Variants in HTR2B observed in about 807,000 individuals in gnomAD.
HTR2B encodes 5-HT 2B receptor.
Under a neutral mutation model 39.8 loss-of-function variants are expected in HTR2B, and 31 were observed. The ratio of observed to expected loss-of-function variants is 0.78; its 90% CI spans 0.58 to 1.05. The LOEUF is 1.05. Among genes scored for constraint, HTR2B ranks in the 50% least tolerant of loss-of-function variants. HTR2B has a pLI of 0.00. For missense variants in HTR2B, 562 were observed against 578.0 expected, an observed-to-expected ratio of 0.97 and a Z score of 0.28; for synonymous variants, 210 against 207.1, an observed-to-expected ratio of 1.01 and a Z score of -0.12.
chr2:231,113,493 T>A (rs939503026), intron 3 of HTR2B, among the ~76,000 whole-genome samples: 10 of 152,228 alleles, frequency 6.6e-5, no homozygotes, highest in African/African-American at 2.4e-4. Flanking sequence ...CAATAAACAC[T>A]GTGCAGATGG....
rs1695033672 is a variant in HTR2B at position 231,108,564 on chromosome 2, T to G, written c.1399A>C (p.Thr467Pro). ...SIILLDTLLL[T>P]ENEGDKTEEQ... ...TCAGTTTTGTCACCTTCATTTTCAGTGAGGAGAAGCGTATCTAGTAGAATG... is the reference window on the plus strand; with the variant it reads ...TCAGTTTTGTCACCTTCATTTTCAGGGAGGAGAAGCGTATCTAGTAGAATG... The change falls in exon 4 of 4, where the codon ACT becomes CCT. Residue 467 changes from threonine to proline, a missense_variant. By Grantham distance (38) the Thr-to-Pro change is conservative. Transcript: ENST00000258400. The G allele has an allele frequency of 6.2e-7, 1 of 1,614,006 alleles. No homozygotes were observed. The highest frequency in any genetic ancestry group is 8.5e-7 in the Non-Finnish European group (1 of 1,179,968).
rs1425479673 is a variant in HTR2B at position 231,123,882 on chromosome 2, T to C, written c.-118A>G. 1.1e-5 allele frequency: 9 copies of C among 805,698 alleles called. No homozygotes were observed. The highest frequency in any genetic ancestry group is 1.9e-5 in the Admixed American group (1 of 53,346). 49.9% of individuals were successfully genotyped at this position (805,698 alleles called of 1,614,324 possible). On this transcript the variant is annotated 5_prime_UTR_variant, in exon 2 of 4. Coordinates refer to ENST00000258400, the MANE Select transcript of HTR2B (RefSeq NM_000867.5). Reference sequence around the variant, plus strand: ...CATGCCAAACACTCAAAAGCCAAAGTTGACACCTTCCTTTAAAAAAAAAAA... The same window carrying C: ...CATGCCAAACACTCAAAAGCCAAAGCTGACACCTTCCTTTAAAAAAAAAAA...
chr2:231,109,175 G>T lies in HTR2B; in HGVS notation c.788C>A (p.Thr263Asn), dbSNP rs745365491. 1 of 1,614,208 alleles carries T rather than the reference G, an allele frequency of 6.2e-7. No individual in the cohort carries two copies. The highest frequency in any genetic ancestry group is 1.1e-5 in the South Asian group (1 of 91,086). Reference sequence around the variant, plus strand: ...ATCCCTTTGGAAAACTGTAGACACAGTCAACCATGTTAGGCGTTGAGGTGG... The same window carrying T: ...ATCCCTTTGGAAAACTGTAGACACATTCAACCATGTTAGGCGTTGAGGTGG... ...NKPPQRLTWL[T>N]VSTVFQRDET... is the part of the protein sequence containing the mutation. Residue 263 changes from threonine (T) to asparagine (N), a missense_variant, in exon 4 of 4, where the codon ACT (threonine) becomes AAT (asparagine). Coordinates refer to ENST00000258400, the MANE Select transcript of HTR2B (RefSeq NM_000867.5).
intron 2 of HTR2B, among the ~76,000 whole-genome samples, chr2:231,115,190 CAA>C (rs779451668): frequency 9.6e-5 from 12 of 124,512 alleles, no homozygotes; most frequent in Admixed American, 1.6e-4. Context: ...AATCTCAGAC[CAA>C]AAAAAAAAAA....
rs760677931 is a variant in HTR2B, at chr2:231,108,594, A to C, written c.1369T>G (p.Ser457Ala). ...AGAAGCGTATCTAGTAGAATGATTG[A>C]TGAAGACTGAATGGTTGAACTTCGG... ...RLRSSTIQSS[S>A]IILLDTLLLT... The change falls in exon 4 of 4, where the codon TCA becomes GCA. Residue 457 changes from serine to alanine, a missense_variant. Transcript: ENST00000258400. 6.2e-7 allele frequency: 1 copy of C among 1,614,004 alleles called. No individual in the cohort carries two copies. The highest frequency in any genetic ancestry group is 8.5e-7 in the Non-Finnish European group (1 of 1,179,922).
At position 231,123,701 on chromosome 2, in the gene HTR2B, T is replaced by C. The variant is rs750455684; in HGVS notation, c.64A>G (p.Thr22Ala). ...TTAGAAGAGATAACGTGAACAAAGG[T>C]GCTCTGCAAAATGTGCTCAGGAATT... Reference protein sequence around the residue: ...STIPEHILQSTFVHVISSNWS... With the variant: ...STIPEHILQSAFVHVISSNWS... Residue 22 changes from threonine (T) to alanine (A), a missense_variant, in exon 2 of 4, where the codon ACC becomes GCC. By Grantham distance (58) the Thr-to-Ala change is moderately conservative. Coordinates refer to ENST00000258400, the MANE Select transcript of HTR2B (RefSeq NM_000867.5). 1.9e-6 allele frequency: 3 copies of C among 1,614,094 alleles called. No individual in the cohort carries two copies. In the East Asian group the frequency reaches 6.7e-5, roughly 36 times the overall value.
Position 231,109,389 on chromosome 2 carries a change from T to C in HTR2B, c.574A>G (p.Ile192Val). Residue 192 changes from isoleucine (I) to valine (V), a missense_variant, in exon 4 of 4, where the codon ATT becomes GTT. Ile to Val is a conservative substitution (Grantham distance 29). Coordinates refer to ENST00000258400, the MANE Select transcript of HTR2B (RefSeq NM_000867.5). ...TCCACATCAGTCTCTATCCCTTTAA[T>C]AGGGACTGGAATGGCAATGCCTAAG... Reference protein sequence around the residue: ...ISIGIAIPVPIKGIETDVDNP... With the variant: ...ISIGIAIPVPVKGIETDVDNP... 6.2e-7 allele frequency: 1 copy of C among 1,614,066 alleles called. No individual in the cohort carries two copies. The highest frequency in any genetic ancestry group is 8.5e-7 in the Non-Finnish European group (1 of 1,179,920).
In HTR2B at chr2:231,108,549, C is replaced by T; in HGVS notation, c.1414G>A (p.Asp472Asn). Residue 472 changes from aspartate (D) to asparagine (N), a missense_variant, in exon 4 of 4, where the codon GAC becomes AAC. By Grantham distance (23) the Asp-to-Asn change is conservative. Transcript: ENST00000258400. Reference protein sequence around the residue: ...DTLLLTENEGDKTEEQVSYV With the variant: ...DTLLLTENEGNKTEEQVSYV ...TAACTAACTTGCTCTTCAGTTTTGT[C>T]ACCTTCATTTTCAGTGAGGAGAAGC... The T allele has an allele frequency of 6.2e-7, 1 of 1,613,888 alleles. No homozygotes were observed. The highest frequency in any genetic ancestry group is 8.5e-7 in the Non-Finnish European group (1 of 1,179,932).
intron 2 of HTR2B, among the ~76,000 whole-genome samples, chr2:231,121,898 T>C (rs2125229864): frequency 6.6e-6 from 1 of 152,268 alleles, no homozygotes; most frequent in East Asian, 1.9e-4. Flanking sequence ...AAAGCACAGT[T>C]TGAAGAGTAT....
chr2:231,110,998 A>C (rs1012340995), intron 3 of HTR2B, among the ~76,000 whole-genome samples: 2 of 152,124 alleles, frequency 1.3e-5, no homozygotes, highest in African/African-American at 4.8e-5. Context: ...TTGCCTTTTG[A>C]AGTTTATTTT....
At chr2:231,121,617 G>C (rs983017654) in intron 2 of HTR2B, among the ~76,000 whole-genome samples, 1 of 152,074 alleles carries the variant, frequency 6.6e-6, no homozygotes, top group African/African-American at 2.4e-5. Context: ...TATTAAACAG[G>C]TAAATCTTTG....
intron 1 of HTR2B, among the ~76,000 whole-genome samples, chr2:231,124,504 T>C (rs1695668745): frequency 6.6e-6 from 1 of 152,134 alleles, no homozygotes; most frequent in African/African-American, 2.4e-5. Flanking sequence ...CTAGGGATCC[T>C]TATATGTAAT....
chr2:231,116,036 T>C (rs974573859), intron 2 of HTR2B, among the ~76,000 whole-genome samples: 2 of 152,098 alleles, frequency 1.3e-5, no homozygotes, highest in African/African-American at 2.4e-5. Flanking sequence ...GAATGTCTCA[T>C]GGAAAGGAAC....
intron 2 of HTR2B, 57 bp from the exon 3 acceptor site, chr2:231,113,986 C>A: frequency 1.4e-6 from 2 of 1,416,822 alleles, no homozygotes; most frequent in South Asian, 2.4e-5. Flanking sequence ...AACTTTCAGT[C>A]TACAGTTTTT....
At chr2:231,124,528 T>A (rs1394822325) in intron 1 of HTR2B, among the ~76,000 whole-genome samples, 1 of 152,138 alleles carries the variant, frequency 6.6e-6, no homozygotes, top group Admixed American at 6.5e-5. Flanking sequence ...CTTTGTCTTA[T>A]CAGGTTTGTG....
At chr2:231,113,633 A>C in intron 3 of HTR2B, 96 bp downstream of exon 3, 4 of 1,071,418 alleles carry the variant, frequency 3.7e-6, no homozygotes, top group Non-Finnish European at 5.8e-6. Flanking sequence ...TTGACCTCTC[A>C]TGCTGAGTTT....
rs755697730 is a variant in HTR2B, at chr2:231,109,379, A to G, written c.584T>C (p.Ile195Thr). The stretch of plus-strand genomic sequence containing the variant: ...GTTTGGGTTGTCCACATCAGTCTCT[A>G]TCCCTTTAATAGGGACTGGAATGGC... ...GIAIPVPIKG[I>T]ETDVDNPNNI... The change falls in exon 4 of 4, where the codon ATA becomes ACA. Residue 195 changes from isoleucine to threonine, a missense_variant. Transcript: ENST00000258400. The G allele has an allele frequency of 3.1e-6, 5 of 1,614,158 alleles. No homozygotes were observed. In the East Asian group the frequency reaches 6.7e-5, roughly 22 times the overall value.
chr2:231,113,765 A>G lies in HTR2B; in HGVS notation c.517T>C (p.Phe173Leu), dbSNP rs77570025. ...ANQYNSRATA[F>L]IKITVVWLIS... is the part of the protein sequence containing the mutation. ...AACCACACCACTGTAATCTTGATGA[A>G]TGCTGTAGCCCGTGAGTTATATTGA... Residue 173 changes from phenylalanine (F) to leucine (L), a missense_variant, in exon 3 of 4, where the codon TTC (phenylalanine) becomes CTC (leucine). Transcript: ENST00000258400. 1.2e-3 allele frequency: 1,897 copies of G among 1,614,128 alleles called. 24 individuals carry two copies. Among genetic ancestry groups the G allele is most frequent in the Non-Finnish European group, 9.1e-5 (107 of 1,179,984 alleles).
intron 3 of HTR2B, 77 bp from the exon 4 acceptor site, chr2:231,109,486 T>C (rs1349401611): frequency 5.6e-6 from 7 of 1,248,740 alleles, no homozygotes; most frequent in Non-Finnish European, 8.2e-6. Flanking sequence ...TTGGATTGTA[T>C]CCTTATAACT....
Sources: gnomAD v4.1 joint callset for allele counts (sites outside exome capture counted in the v4.1 genomes callset) on GRCh38, gnomAD v4.1.1 for gene constraint, MANE v1.5 for transcripts, NCBI Gene and HGNC (gene_info 2026-07-23, HGNC 2026-07-21) for gene names.